DPH6: variants seen among roughly 807,000 people sequenced by gnomAD.
DPH6 encodes the protein diphthine--ammonia ligase.
DPH6 carries 33 observed loss-of-function variants against 38.2 expected under a neutral mutation model. The observed-to-expected ratio is 0.86, with a 90% CI of 0.65 to 1.15. The LOEUF (loss-of-function observed/expected upper bound fraction) is 1.15, where lower values mean the gene tolerates loss of function less well. DPH6 is among the 50% of genes most tolerant of loss of function. The pLI is 0.00. For missense variants in DPH6, 325 were observed against 320.0 expected, an observed-to-expected ratio of 1.02 and a Z score of -0.12; for synonymous variants, 108 against 103.0, an observed-to-expected ratio of 1.05 and a Z score of -0.30.
At chr15:35,302,079 C>A (rs2052058464) in intron 3 of DPH6, among the ~76,000 whole-genome samples, 1 of 151,840 alleles carries the variant, frequency 6.6e-6, no homozygotes, top group Admixed American at 6.6e-5. Context: ...TATATGCATA[C>A]AAAGGAAATA....
chr15:35,473,889 G>A (rs975823819), intron 3 of DPH6, among the ~76,000 whole-genome samples: 6 of 150,988 alleles, frequency 4.0e-5, no homozygotes, highest in African/African-American at 1.5e-4. Context: ...ATACAAAAAA[G>A]GCAAGCGATA....
chr15:35,440,489 G>A (rs556517809), intron 5 of DPH6, among the ~76,000 whole-genome samples: 1 of 152,300 alleles, frequency 6.6e-6, no homozygotes, highest in Non-Finnish European at 1.5e-5. Flanking sequence ...CCCTTTAAGC[G>A]GGGAACCTTA....
intron 3 of DPH6, among the ~76,000 whole-genome samples, chr15:35,517,800 T>C (rs1423899075): frequency 1.3e-5 from 2 of 152,116 alleles, no homozygotes; most frequent in African/African-American, 2.4e-5. Context: ...TAAGATTATT[T>C]TTTATCATCA....
chr15:35,494,853 G>T lies in DPH6; in HGVS notation c.313-40033C>A, dbSNP rs181811126. On this transcript the variant is annotated intron_variant, in intron 3 of 8. Transcript: ENST00000256538. ...TGAGTTACCTCAATTTGGAAAAAGG[G>T]TTTATAAAAAGCCTACAGCAAGTAC... 1.2e-3 allele frequency among the ~76,000 whole-genome samples: 187 copies of T among 151,748 alleles called. 1 individual carries two copies. The highest frequency in any genetic ancestry group is 4.4e-3 in the African/African-American group (181 of 41,404).
chr15:35,356,791 C>T (rs1277819842), intron 3 of DPH6, among the ~76,000 whole-genome samples: 1 of 152,208 alleles, frequency 6.6e-6, no homozygotes, highest in Non-Finnish European at 1.5e-5. Flanking sequence ...GCTGGGAGAA[C>T]CACTACTCTC....
At chr15:35,306,341 C>A (rs1332818052) in intron 3 of DPH6, among the ~76,000 whole-genome samples, 2 of 152,120 alleles carry the variant, frequency 1.3e-5, no homozygotes, top group Non-Finnish European at 2.9e-5. Context: ...ACTCAATTGG[C>A]TCTTTTCTTT....
At chr15:35,151,786 T>C in the DPH6 span, among the ~76,000 whole-genome samples, 1 of 152,182 alleles carries the variant, frequency 6.6e-6, no homozygotes, top group Non-Finnish European at 1.5e-5. Context: ...TACAAATTAT[T>C]ATAAAATAAA....
intron 3 of DPH6, among the ~76,000 whole-genome samples, chr15:35,494,052 T>G (rs1444302786): frequency 6.6e-6 from 1 of 152,150 alleles, no homozygotes; most frequent in Non-Finnish European, 1.5e-5. Context: ...TTCCTAGTTA[T>G]CTTTCTGTAT....
intron 5 of DPH6, among the ~76,000 whole-genome samples, chr15:35,436,504 C>CAAACAAAAAA (rs1189101516): frequency 7.0e-4 from 76 of 108,182 alleles, no homozygotes; most frequent in Middle Eastern, 8.9e-3. Flanking sequence ...CAAAACAAAA[C>CAAACAAAAAA]AAAACAAAAC....
chr15:35,397,775 C>T (rs530094846), intron 6 of DPH6, among the ~76,000 whole-genome samples: 2 of 151,860 alleles, frequency 1.3e-5, no homozygotes, highest in East Asian at 1.9e-4. Context: ...TTATTCCCTA[C>T]AGCAGATAAA....
At chr15:35,543,812 C>G (rs1378184715) in intron 1 of DPH6, among the ~76,000 whole-genome samples, 1 of 152,202 alleles carries the variant, frequency 6.6e-6, no homozygotes, top group Non-Finnish European at 1.5e-5. Flanking sequence ...TCTTCCACAA[C>G]TTCCCATATC....
the DPH6 span, among the ~76,000 whole-genome samples, chr15:35,165,845 A>ATT: frequency 6.6e-6 from 1 of 152,006 alleles, no homozygotes; most frequent in Admixed American, 6.6e-5. Context: ...TCTATAGAGT[A>ATT]TACAAGATTT....
intron 3 of DPH6, among the ~76,000 whole-genome samples, chr15:35,528,617 A>C (rs2055040553): frequency 6.6e-6 from 1 of 152,144 alleles, no homozygotes. Context: ...TCACCTACAG[A>C]GTTGCCTATC....
intron 3 of DPH6, among the ~76,000 whole-genome samples, chr15:35,256,599 T>C (rs752320510): frequency 4.6e-5 from 7 of 152,228 alleles, no homozygotes. Context: ...AGGCTGTGTG[T>C]ATATAATGGA....
the DPH6 span, among the ~76,000 whole-genome samples, chr15:35,176,237 T>C: frequency 6.6e-6 from 1 of 152,252 alleles, no homozygotes; most frequent in African/African-American, 2.4e-5. Context: ...AATCTTTGTT[T>C]ATCCTTACTC....
chr15:35,258,502 A>G (rs2051722431), intron 3 of DPH6, among the ~76,000 whole-genome samples: 1 of 152,246 alleles, frequency 6.6e-6, no homozygotes, highest in Admixed American at 6.5e-5. Flanking sequence ...TAAATATTTC[A>G]TAAGTGAGGG....
At chr15:35,377,804 G>C (rs897760859) in intron 7 of DPH6, among the ~76,000 whole-genome samples, 1 of 151,682 alleles carries the variant, frequency 6.6e-6, no homozygotes, top group Non-Finnish European at 1.5e-5. Flanking sequence ...ATGTTAATTG[G>C]AATTTGGGCA....
intron 3 of DPH6, chr15:35,298,985 A>G: frequency 1.3e-6 from 1 of 758,386 alleles, no homozygotes; most frequent in South Asian, 1.5e-5. Context: ...CATCTTCATC[A>G]GAATCCGGAT....
intron 7 of DPH6, among the ~76,000 whole-genome samples, chr15:35,379,320 T>G (rs2140935177): frequency 6.6e-6 from 1 of 152,304 alleles, no homozygotes; most frequent in South Asian, 2.1e-4. Flanking sequence ...AAATAAAATG[T>G]CATTTGAATC....
Sources: gnomAD v4.1 joint callset for allele counts (sites outside exome capture counted in the v4.1 genomes callset) on GRCh38, gnomAD v4.1.1 for gene constraint, MANE v1.5 for transcripts, NCBI Gene and HGNC (gene_info 2026-07-23, HGNC 2026-07-21) for gene names.